Variants in KBTBD11 observed in about 807,000 individuals in gnomAD.
KBTBD11 encodes the protein kelch repeat and BTB domain-containing protein 11.
For missense variants in KBTBD11, 1,390 were observed against 1,001.8 expected (o/e 1.39, Z -5.23); for synonymous variants, 747 against 499.0 (o/e 1.50, Z -6.63).
intron 1 of KBTBD11, among the ~76,000 whole-genome samples, chr8:1,998,372 TATAAC>T (rs1817220367): frequency 6.6e-6 from 1 of 152,166 alleles, no homozygotes; most frequent in African/African-American, 2.4e-5. Flanking sequence ...TAATTGTAGT[TATAAC>T]AAAATGTATA....
At chr8:1,989,673 A>G (rs1428681224) in intron 1 of KBTBD11, among the ~76,000 whole-genome samples, 3 of 152,190 alleles carry the variant, frequency 2.0e-5, no homozygotes, top group Non-Finnish European at 2.9e-5. Context: ...TGCACGACGC[A>G]TCGCCTCCCC....
chr8:1,992,248 G>A (rs942584043), intron 1 of KBTBD11, among the ~76,000 whole-genome samples: 11 of 152,240 alleles, frequency 7.2e-5, no homozygotes, highest in East Asian at 1.9e-4. Flanking sequence ...ACGTGGCAGC[G>A]CTGCCTGCCT....
rs1175710821 is a variant in KBTBD11 at position 2,003,002 on chromosome 8, C to T, written c.1810C>T (p.Leu604Phe). The T allele has an allele frequency of 1.8e-5, 24 of 1,298,532 alleles. No homozygotes were observed. Among genetic ancestry groups the T allele is most frequent in the Non-Finnish European group, 2.3e-5 (24 of 1,023,982 alleles). 80.4% of individuals were successfully genotyped at this position (1,298,532 alleles called of 1,614,324 possible). ...LGAPLDVRGVLIPFALSLPEK... is the reference protein window; with the variant it reads ...LGAPLDVRGVFIPFALSLPEK... ...CGCCCCCTTGGACGTCCGGGGTGTG[C>T]TCATCCCGTTCGCTCTCAGCCTGCC... Residue 604 changes from leucine (L) to phenylalanine (F), a missense_variant, in exon 2 of 2, where the codon CTC becomes TTC. Coordinates refer to ENST00000320248, the MANE Select transcript of KBTBD11 (RefSeq NM_014867.3).
At chr8:1,991,852 C>T (rs780220620) in intron 1 of KBTBD11, among the ~76,000 whole-genome samples, 11 of 152,026 alleles carry the variant, frequency 7.2e-5, no homozygotes, top group East Asian at 3.9e-4. Flanking sequence ...GAAGAGACTC[C>T]GACCTGGGTG....
chr8:1,992,358 G>A (rs939303854), intron 1 of KBTBD11, among the ~76,000 whole-genome samples: 4 of 152,032 alleles, frequency 2.6e-5, no homozygotes, highest in Admixed American at 2.0e-4. Flanking sequence ...TGACCCACAC[G>A]TCCCCCAGAT....
At chr8:1,999,300 TA>T (rs1431451806) in intron 1 of KBTBD11, among the ~76,000 whole-genome samples, 2 of 152,192 alleles carry the variant, frequency 1.3e-5, no homozygotes, top group African/African-American at 4.8e-5. Context: ...CTATTGCACA[TA>T]ATAAGTAGAA....
chr8:1,997,328 G>C (rs1228498894), intron 1 of KBTBD11, among the ~76,000 whole-genome samples: 1 of 151,714 alleles, frequency 6.6e-6, no homozygotes, highest in African/African-American at 2.4e-5. Flanking sequence ...TGATGCCTCA[G>C]AGGACTGCTA....
intron 1 of KBTBD11, among the ~76,000 whole-genome samples, chr8:1,996,804 T>C (rs981408819): frequency 2.0e-5 from 3 of 152,206 alleles, no homozygotes; most frequent in Non-Finnish European, 4.4e-5. Context: ...TTAATTTGTA[T>C]TAATCGTAAA....
intron 1 of KBTBD11, among the ~76,000 whole-genome samples, chr8:1,987,140 G>T (rs1816732049): frequency 6.6e-6 from 1 of 151,914 alleles, no homozygotes. Context: ...CTTCAGAAGT[G>T]ATCAATACAC....
chr8:2,002,844 A>T lies in KBTBD11; in HGVS notation c.1652A>T (p.Gln551Leu). The change falls in exon 2 of 2, where the codon CAG becomes CTG. Residue 551 changes from glutamine to leucine, a missense_variant. Gln to Leu is a moderately radical substitution (Grantham distance 113). Transcript: ENST00000320248. The surrounding 1 kb of genome is among the most constrained non-coding windows in gnomAD (Gnocchi z 4.1). Reference sequence around the variant, plus strand: ...CTCCCCGGCGGCCCCACGGGCCTGCAGCCCTTCCGCTGCGCCGCCCTGGAC... The same window carrying T: ...CTCCCCGGCGGCCCCACGGGCCTGCTGCCCTTCCGCTGCGCCGCCCTGGAC... ...LRLPGGPTGLQPFRCAALDGA... is the reference protein window; with the variant it reads ...LRLPGGPTGLLPFRCAALDGA... The T allele has an allele frequency of 7.1e-7, 1 of 1,407,258 alleles. No homozygotes were observed. Among genetic ancestry groups the T allele is most frequent in the Non-Finnish European group, 9.2e-7 (1 of 1,090,790 alleles). The allele number at this position is 1,407,258 out of a possible 1,614,324, so 87.2% of individuals were successfully genotyped here.
intron 1 of KBTBD11, among the ~76,000 whole-genome samples, chr8:1,990,435 A>G (rs560694090): frequency 9.0e-6 from 1 of 111,466 alleles, no homozygotes; most frequent in South Asian, 3.3e-4. Flanking sequence ...CTGTCCGGGT[A>G]GATGCTGCGG....
chr8:2,003,063 AGGCCGGCGG>A lies in KBTBD11; in HGVS notation c.*2_*10del. The A allele has an allele frequency of 1.6e-6, 2 of 1,262,114 alleles. No homozygotes were observed. The highest frequency in any genetic ancestry group is 1.6e-5 in the African/African-American group (1 of 64,512). The allele number at this position is 1,262,114 out of a possible 1,614,324, so 78.2% of individuals were successfully genotyped here. On this transcript the variant is annotated stop_retained_variant and 3_prime_UTR_variant, in exon 2 of 2. Coordinates refer to ENST00000320248, the MANE Select transcript of KBTBD11 (RefSeq NM_014867.3). The stretch of plus-strand genomic sequence containing the variant: ...CCCCGAGGGGAGCAGGGCGCCCCGT[AGGCCGGCGG>A]GGTCGGCGGGCGTCTCCCTCGGCAG...
intron 1 of KBTBD11, among the ~76,000 whole-genome samples, chr8:1,975,549 G>C (rs996127921): frequency 6.6e-6 from 1 of 152,256 alleles, no homozygotes; most frequent in Non-Finnish European, 1.5e-5. Context: ...GTGTGTAGCA[G>C]GCTGCACCGC....
At chr8:1,978,188 C>A (rs1349288304) in intron 1 of KBTBD11, among the ~76,000 whole-genome samples, 1 of 152,204 alleles carries the variant, frequency 6.6e-6, no homozygotes, top group South Asian at 2.1e-4. Context: ...GTGTTGTTCC[C>A]CTCCCTGAGT....
intron 1 of KBTBD11, among the ~76,000 whole-genome samples, chr8:1,991,230 A>G (rs1816904128): frequency 1.3e-5 from 2 of 152,344 alleles, no homozygotes; most frequent in African/African-American, 4.8e-5. Context: ...CATGTGAGAA[A>G]GCTTGCTAGG....
chr8:1,989,895 T>G (rs1025268769), intron 1 of KBTBD11, among the ~76,000 whole-genome samples: 3 of 144,968 alleles, frequency 2.1e-5, no homozygotes, highest in South Asian at 2.2e-4. Context: ...GCCAGCTCAC[T>G]AGGGAACAGA....
chr8:2,003,746 C>T lies in KBTBD11; in HGVS notation c.*682C>T, dbSNP rs573088756. On this transcript the variant is annotated 3_prime_UTR_variant, in exon 2 of 2. Transcript: ENST00000320248. The stretch of plus-strand genomic sequence containing the variant: ...AGAGCAGCTCCGTCTCACTGTTGGA[C>T]CGAGGGGGCTTTCATATTTTCAGTT... 2.4e-5 allele frequency: 4 copies of T among 167,132 alleles called. No individual in the cohort carries two copies. The East Asian group carries it at 7.7e-4, about 32-fold the overall frequency. The allele number at this position is 167,132 out of a possible 1,614,324, so 10.4% of individuals were successfully genotyped here. A position where few individuals can be genotyped will look rare whatever the true frequency, so the allele number is the denominator to read the frequency against.
intron 1 of KBTBD11, among the ~76,000 whole-genome samples, chr8:1,992,814 A>C (rs1169444625): frequency 6.6e-6 from 1 of 151,530 alleles, no homozygotes; most frequent in East Asian, 1.9e-4. Flanking sequence ...AGATATAACT[A>C]TTGATCTCTT....
chr8:1,975,139 T>G (rs1350982663), intron 1 of KBTBD11: 3 of 152,290 alleles, frequency 2.0e-5, no homozygotes, highest in Non-Finnish European at 4.4e-5. Flanking sequence ...CCTTCAGATT[T>G]GCTCCAGCAA....
Sources: allele counts gnomAD v4.1 joint callset (sites outside exome capture counted in the v4.1 genomes callset), GRCh38; gene constraint gnomAD v4.1.1; non-coding constraint Gnocchi (gnomAD v3.1); transcripts MANE v1.5; gene names NCBI Gene and HGNC (gene_info 2026-07-23, HGNC 2026-07-21).